MECOM: variants seen among roughly 807,000 people sequenced by gnomAD.
The protein encoded by MECOM is MDS1 and EVI1 complex locus.
Under a neutral mutation model 116.3 loss-of-function variants are expected in MECOM, and 13 were observed. The observed-to-expected ratio is 0.11, with a 90% CI of 0.07 to 0.18. The LOEUF is 0.18. Among genes scored for constraint, MECOM ranks in the 10% least tolerant of loss-of-function variants. MECOM has a pLI of 1.00. For synonymous variants in MECOM, 528 were observed against 535.2 expected (o/e 0.99, Z 0.19); for missense variants, 1,299 against 1,509.0 (o/e 0.86, Z 2.31).
At chr3:169,136,060 ATAAT>A (rs1435893323) in intron 3 of MECOM, among the ~76,000 whole-genome samples, 1 of 151,784 alleles carries the variant, frequency 6.6e-6, no homozygotes, top group Non-Finnish European at 1.5e-5. Context: ...CAGAATTATT[ATAAT>A]TAATTTATTT....
chr3:169,219,942 A>G (rs1031852683), intron 2 of MECOM, among the ~76,000 whole-genome samples: 3 of 148,860 alleles, frequency 2.0e-5, no homozygotes, highest in Non-Finnish European at 4.5e-5. Context: ...TTATTCTAAT[A>G]TGTATAATTC....
At chr3:169,539,338 T>TA (rs1359531287) in intron 1 of MECOM, among the ~76,000 whole-genome samples, 15 of 152,158 alleles carry the variant, frequency 9.9e-5, no homozygotes, top group Admixed American at 2.6e-4. Flanking sequence ...GCCTTCCCCA[T>TA]AGGACCTCAA....
intron 1 of MECOM, among the ~76,000 whole-genome samples, chr3:169,485,994 T>TA (rs1560341215): frequency 2.2e-5 from 2 of 90,090 alleles, no homozygotes; most frequent in Admixed American, 1.2e-4. Context: ...AGTATATATA[T>TA]GTATATATAT....
chr3:169,660,811 T>A, intron 1 of MECOM, among the ~76,000 whole-genome samples: 1 of 152,200 alleles, frequency 6.6e-6, no homozygotes, highest in East Asian at 1.9e-4. Context: ...TCTGTAGTTT[T>A]AATATGATTT....
chr3:169,295,846 A>G (rs1415782042), intron 2 of MECOM, among the ~76,000 whole-genome samples: 4 of 152,240 alleles, frequency 2.6e-5, no homozygotes, highest in African/African-American at 9.6e-5. Flanking sequence ...AAGAGAATAA[A>G]AAACAAGTAT....
At chr3:169,513,644 GA>G (rs1291260375) in intron 1 of MECOM, among the ~76,000 whole-genome samples, 1 of 152,154 alleles carries the variant, frequency 6.6e-6, no homozygotes, top group South Asian at 2.1e-4. Flanking sequence ...AAAAATAAAT[GA>G]AAAAAATGAA....
At chr3:169,238,500 C>T (rs1754377152) in intron 2 of MECOM, among the ~76,000 whole-genome samples, 1 of 152,162 alleles carries the variant, frequency 6.6e-6, no homozygotes, top group Non-Finnish European at 1.5e-5. Context: ...CTAAAATTTA[C>T]AAGCCCTTCA....
At chr3:169,324,441 ATC>A (rs1255244341) in intron 2 of MECOM, among the ~76,000 whole-genome samples, 2 of 152,234 alleles carry the variant, frequency 1.3e-5, no homozygotes, top group Non-Finnish European at 2.9e-5. Context: ...ATACTTTCAC[ATC>A]TGTCTTGTCA....
chr3:169,462,209 G>A (rs1747564322), intron 1 of MECOM, among the ~76,000 whole-genome samples: 1 of 152,096 alleles, frequency 6.6e-6, no homozygotes, highest in Non-Finnish European at 1.5e-5. Flanking sequence ...CAGACAGCAG[G>A]GAAAGCCTAT....
intron 1 of MECOM, among the ~76,000 whole-genome samples, chr3:169,518,317 T>C (rs189541755): frequency 6.6e-6 from 1 of 152,048 alleles, no homozygotes; most frequent in Admixed American, 6.5e-5. Context: ...TGTTCTCCAA[T>C]TTAATTTAAA....
chr3:169,085,296 GC>G (rs1717310231), intron 16 of MECOM, among the ~76,000 whole-genome samples: 1 of 152,114 alleles, frequency 6.6e-6, no homozygotes, highest in African/African-American at 2.4e-5. Flanking sequence ...TGCAAATAGT[GC>G]TTCCATTGAG....
intron 1 of MECOM, among the ~76,000 whole-genome samples, chr3:169,419,839 A>G (rs1416648381): frequency 6.6e-6 from 1 of 152,202 alleles, no homozygotes; most frequent in Non-Finnish European, 1.5e-5. Flanking sequence ...GAATGGGAGA[A>G]AATTTTTGCA....
At chr3:169,094,301 C>T (rs963566466) in intron 13 of MECOM, among the ~76,000 whole-genome samples, 12 of 152,068 alleles carry the variant, frequency 7.9e-5, no homozygotes, top group African/African-American at 2.4e-4. Context: ...ATCTCTCCTC[C>T]CCTACCCCCA....
intron 15 of MECOM, 54 bp from the exon 16 acceptor site, chr3:169,089,237 C>A (rs1312159789): frequency 2.3e-6 from 3 of 1,300,010 alleles, no homozygotes; most frequent in African/African-American, 3.0e-5. Context: ...GTTATCTAAT[C>A]AAATCACTTT....
chr3:169,366,827 C>T (rs1729242306), intron 2 of MECOM, among the ~76,000 whole-genome samples: 1 of 152,030 alleles, frequency 6.6e-6, no homozygotes, highest in East Asian at 1.9e-4. Flanking sequence ...CACTCTCAGC[C>T]AGTTGGTAGG....
chr3:169,172,940 A>G (rs1034146198), intron 2 of MECOM, among the ~76,000 whole-genome samples: 1 of 152,142 alleles, frequency 6.6e-6, no homozygotes, highest in African/African-American at 2.4e-5. Flanking sequence ...CACTTTATAA[A>G]CCCTACATAC....
chr3:169,302,911 C>A lies in MECOM; in HGVS notation c.375+78276G>T, dbSNP rs567400903. Among the ~76,000 whole-genome samples, 18 of 151,610 alleles carry A rather than the reference C, an allele frequency of 1.2e-4. 1 individual carries two copies. The highest frequency in any genetic ancestry group is 4.1e-4 in the African/African-American group (17 of 41,358). ...TAGAAACAAACTAGATTTTACTAAA[C>A]CAGATAAAAGATTAACAACAAAGAA... On this transcript the variant is annotated intron_variant, in intron 2 of 16. Coordinates refer to ENST00000651503, the MANE Select transcript of MECOM (RefSeq NM_004991.4).
chr3:169,547,561 T>C (rs921182562), intron 1 of MECOM, among the ~76,000 whole-genome samples: 1 of 152,212 alleles, frequency 6.6e-6, no homozygotes, highest in African/African-American at 2.4e-5. Context: ...TGGGAAGTTA[T>C]TTAATAGCTT....
intron 1 of MECOM, among the ~76,000 whole-genome samples, chr3:169,407,254 T>C (rs1736854215): frequency 6.6e-6 from 1 of 152,202 alleles, no homozygotes; most frequent in Admixed American, 6.5e-5. Flanking sequence ...ATATGTTTCT[T>C]TCCTTTCCAA....
Sources: gnomAD v4.1 joint callset for allele counts (sites outside exome capture counted in the v4.1 genomes callset) on GRCh38, gnomAD v4.1.1 for gene constraint, MANE v1.5 for transcripts, NCBI Gene and HGNC (gene_info 2026-07-23, HGNC 2026-07-21) for gene names.